C13orf42: variants seen among roughly 807,000 people sequenced by gnomAD.
The protein encoded by C13orf42 is uncharacterized protein C13orf42.
chr13:51,139,031 C>T (rs1953677695), intron 1 of C13orf42, among the ~76,000 whole-genome samples: 1 of 152,164 alleles, frequency 6.6e-6, no homozygotes, highest in Non-Finnish European at 1.5e-5. Flanking sequence ...AATAGTCAAA[C>T]TCCGGCCGGG....
chr13:51,107,483 TA>T (rs1953371322), intron 1 of C13orf42, among the ~76,000 whole-genome samples: 1 of 152,278 alleles, frequency 6.6e-6, no homozygotes, highest in Admixed American at 6.5e-5. Flanking sequence ...CAAAATAGTT[TA>T]AAAGCCACTA....
At chr13:51,130,412 A>G (rs1454165755) in intron 1 of C13orf42, among the ~76,000 whole-genome samples, 1 of 152,212 alleles carries the variant, frequency 6.6e-6, no homozygotes, top group Non-Finnish European at 1.5e-5. Flanking sequence ...AGGATTTTGT[A>G]TGGTAAATTC....
chr13:51,153,123 G>T (rs1953792583), intron 1 of C13orf42, among the ~76,000 whole-genome samples: 1 of 152,222 alleles, frequency 6.6e-6, no homozygotes, highest in Non-Finnish European at 1.5e-5. Context: ...TGTTTTGTAA[G>T]TCAAGTTATG....
intron 1 of C13orf42, among the ~76,000 whole-genome samples, chr13:51,158,470 T>G (rs1953839866): frequency 6.6e-6 from 1 of 152,268 alleles, no homozygotes; most frequent in Admixed American, 6.5e-5. Flanking sequence ...TTGTTAAAAC[T>G]ATTCACCATC....
chr13:51,149,527 C>T (rs1287894499), intron 1 of C13orf42, among the ~76,000 whole-genome samples: 7 of 152,024 alleles, frequency 4.6e-5, no homozygotes, highest in Non-Finnish European at 1.0e-4. Context: ...GAAGCATTGA[C>T]CCTGGACATT....
chr13:51,098,570 G>A (rs1219339940), intron 1 of C13orf42, among the ~76,000 whole-genome samples: 4 of 152,054 alleles, frequency 2.6e-5, no homozygotes, highest in Non-Finnish European at 4.4e-5. Context: ...CCTCTTCTGT[G>A]AGATGACTTT....
At chr13:51,171,461 C>T (rs9596476) in intron 1 of C13orf42, among the ~76,000 whole-genome samples, 1,945 of 152,162 alleles carry the variant, frequency 0.013, 33 homozygotes, top group African/African-American at 0.042. Flanking sequence ...CCGCCTGTCC[C>T]CTCAGTACCA....
At chr13:51,109,806 G>A (rs753362933) in intron 1 of C13orf42, among the ~76,000 whole-genome samples, 9 of 152,098 alleles carry the variant, frequency 5.9e-5, no homozygotes, top group East Asian at 5.8e-4. Context: ...ATGAATTGCC[G>A]GCTCATAATT....
At chr13:51,113,781 T>G (rs9568519), upstream of C13orf42, among the ~76,000 whole-genome samples, 132,136 of 152,110 alleles carry the variant, frequency 0.87, 57,649 homozygotes, top group South Asian at 0.94. Context: ...CCCAAATCAG[T>G]CCCCCCAGGC....
At chr13:51,137,954 T>C (rs533860362) in intron 1 of C13orf42, among the ~76,000 whole-genome samples, 1 of 152,218 alleles carries the variant, frequency 6.6e-6, no homozygotes, top group Non-Finnish European at 1.5e-5. Context: ...TGTCTACCAT[T>C]CTTCAGCTTC....
intron 1 of C13orf42, among the ~76,000 whole-genome samples, chr13:51,126,020 C>G (rs887950795): frequency 6.6e-6 from 1 of 152,190 alleles, no homozygotes; most frequent in Admixed American, 6.5e-5. Flanking sequence ...ATAACAGGTG[C>G]ACCAAGATGG....
At chr13:51,094,873 T>C (rs1953216433) in intron 1 of C13orf42, among the ~76,000 whole-genome samples, 1 of 152,148 alleles carries the variant, frequency 6.6e-6, no homozygotes, top group East Asian at 1.9e-4. Context: ...AATTCCCATG[T>C]GTTATGGGAA....
intron 1 of C13orf42, among the ~76,000 whole-genome samples, chr13:51,122,081 ATATT>A (rs1321869640): frequency 6.6e-6 from 1 of 152,230 alleles, no homozygotes. Context: ...TAGAAAAAGA[ATATT>A]TAAATACACA....
intron 1 of C13orf42, among the ~76,000 whole-genome samples, chr13:51,155,239 C>T (rs1262311150): frequency 1.3e-5 from 2 of 152,182 alleles, no homozygotes; most frequent in Non-Finnish European, 2.9e-5. Flanking sequence ...AAAAAAACTA[C>T]ATTTTGGAAA....
intron 1 of C13orf42, among the ~76,000 whole-genome samples, chr13:51,105,738 C>T (rs1392410557): frequency 6.6e-6 from 1 of 152,032 alleles, no homozygotes; most frequent in African/African-American, 2.4e-5. Flanking sequence ...TTTTTCTCTC[C>T]TGATTTTCCA....
intron 2 of C13orf42, among the ~76,000 whole-genome samples, chr13:51,087,070 C>G (rs773216600): frequency 1.8e-4 from 27 of 152,126 alleles, no homozygotes; most frequent in Non-Finnish European, 3.4e-4. Context: ...GCCAGTGAGC[C>G]CCCTGAATAA....
intron 1 of C13orf42, among the ~76,000 whole-genome samples, chr13:51,123,003 T>G (rs1157720984): frequency 6.6e-6 from 1 of 152,254 alleles, no homozygotes. Context: ...GGATTGATAC[T>G]TGTGGTCTGT....
chr13:51,143,937 A>G (rs1450842301), intron 1 of C13orf42, among the ~76,000 whole-genome samples: 2 of 152,180 alleles, frequency 1.3e-5, no homozygotes, highest in African/African-American at 4.8e-5. Flanking sequence ...AACTCCTGTA[A>G]TTCTGATATA....
At chr13:51,124,139 C>A (rs1260777010) in intron 1 of C13orf42, among the ~76,000 whole-genome samples, 2 of 152,182 alleles carry the variant, frequency 1.3e-5, no homozygotes. Context: ...AACCTGCCAA[C>A]CAGTTCTGTG....
Sources: gnomAD v4.1 joint callset for allele counts (sites outside exome capture counted in the v4.1 genomes callset) on GRCh38, gnomAD v4.1.1 for gene constraint, MANE v1.5 for transcripts, NCBI Gene and HGNC (gene_info 2026-07-23, HGNC 2026-07-21) for gene names.